The following IPO11 variants were observed in gnomAD, a reference collection of about 807,000 sequenced individuals.
IPO11 encodes the protein importin-11.
In IPO11, 66 loss-of-function variants were observed where a neutral mutation model predicts 143.2. The observed-to-expected ratio is 0.46, with a 90% CI of 0.38 to 0.57. IPO11 has a LOEUF of 0.57. IPO11 is among the 20% of genes least tolerant of loss of function. The pLI is 0.00. For synonymous variants in IPO11, 385 were observed against 377.8 expected (o/e 1.02, Z -0.22); for missense variants, 1,026 against 1,141.0 (o/e 0.90, Z 1.45).
chr5:62,510,359 G>A (rs796760854), intron 19 of IPO11, among the ~76,000 whole-genome samples: 5 of 152,134 alleles, frequency 3.3e-5, no homozygotes, highest in African/African-American at 1.2e-4. Context: ...TCATTAGTAA[G>A]TTTCATCACT....
At chr5:62,550,663 A>C (rs1241862184) in intron 25 of IPO11, among the ~76,000 whole-genome samples, 1 of 152,176 alleles carries the variant, frequency 6.6e-6, no homozygotes, top group East Asian at 1.9e-4. Context: ...GTGTCTTTCA[A>C]ACATATGCAT....
At chr5:62,479,720 G>A (rs1371452089) in intron 9 of IPO11, among the ~76,000 whole-genome samples, 1 of 152,136 alleles carries the variant, frequency 6.6e-6, no homozygotes, top group Non-Finnish European at 1.5e-5. Context: ...GTGTCTGCTG[G>A]CTGCATAAAT....
chr5:62,573,435 C>A (rs1744211940), intron 27 of IPO11, among the ~76,000 whole-genome samples: 1 of 152,128 alleles, frequency 6.6e-6, no homozygotes, highest in Non-Finnish European at 1.5e-5. Flanking sequence ...TGACTGTATA[C>A]TCCTTTTTAA....
At chr5:62,491,524 G>T (rs1156494307) in intron 15 of IPO11, among the ~76,000 whole-genome samples, 2 of 152,112 alleles carry the variant, frequency 1.3e-5, no homozygotes, top group Non-Finnish European at 2.9e-5. Context: ...TTGAGCACTT[G>T]AAATGTGCTT....
At chr5:62,511,249 C>T (rs1178119132) in intron 19 of IPO11, among the ~76,000 whole-genome samples, 1 of 152,016 alleles carries the variant, frequency 6.6e-6, no homozygotes, top group African/African-American at 2.4e-5. Context: ...CTAAAACTAC[C>T]TCATTTTCCT....
chr5:62,503,309 T>TAATATATTAATAGTATCTAC (rs1561338146), intron 16 of IPO11, among the ~76,000 whole-genome samples: 20 of 136,936 alleles, frequency 1.5e-4, no homozygotes, highest in Non-Finnish European at 1.8e-4. Flanking sequence ...TCAGTATCTA[T>TAATATATTAATAGTATCTAC]TAATATATTA....
At chr5:62,549,023 T>G (rs192778941) in intron 24 of IPO11, among the ~76,000 whole-genome samples, 3 of 152,302 alleles carry the variant, frequency 2.0e-5, no homozygotes, top group Admixed American at 1.3e-4. Flanking sequence ...CCTCTGTGAC[T>G]CTCTCGGTCT....
chr5:62,482,815 A>G (rs1196708468), intron 9 of IPO11, among the ~76,000 whole-genome samples: 1 of 152,164 alleles, frequency 6.6e-6, no homozygotes, highest in Admixed American at 6.5e-5. Flanking sequence ...AGCGTTTTGT[A>G]TCATATTCAC....
chr5:62,414,346 A>G (rs1202453881), intron 1 of IPO11, among the ~76,000 whole-genome samples: 5 of 152,214 alleles, frequency 3.3e-5, no homozygotes, highest in African/African-American at 4.8e-5. Context: ...AATTTTGGGT[A>G]AGGTAATGTT....
intron 21 of IPO11, among the ~76,000 whole-genome samples, chr5:62,528,116 A>T (rs1052359344): frequency 1.3e-5 from 2 of 152,224 alleles, no homozygotes; most frequent in Non-Finnish European, 2.9e-5. Flanking sequence ...CCAGGGCAGA[A>T]TTCTAATGAA....
At chr5:62,626,724 G>A (rs1232257725) in intron 29 of IPO11, among the ~76,000 whole-genome samples, 1 of 151,658 alleles carries the variant, frequency 6.6e-6, no homozygotes, top group Non-Finnish European at 1.5e-5. Context: ...GCAATCCAGG[G>A]TAGGGCAAAC....
intron 18 of IPO11, 39 bp from the exon 19 acceptor site, chr5:62,506,202 A>G: frequency 1.7e-6 from 2 of 1,153,780 alleles, no homozygotes; most frequent in Non-Finnish European, 2.6e-6. Context: ...TTTCATTTCT[A>G]TTATAAACCT....
intron 27 of IPO11, among the ~76,000 whole-genome samples, chr5:62,582,999 A>G (rs1744626698): frequency 6.6e-6 from 1 of 152,176 alleles, no homozygotes; most frequent in African/African-American, 2.4e-5. Flanking sequence ...AGGGTTTTCA[A>G]ACAATGGTTT....
intron 19 of IPO11, 99 bp from the exon 20 acceptor site, chr5:62,515,289 G>A: frequency 1.5e-6 from 1 of 646,822 alleles, no homozygotes; most frequent in Non-Finnish European, 2.7e-6. Flanking sequence ...TATTAAATAT[G>A]TGCTGTCTGG....
At chr5:62,440,888 G>A (rs1352370328) in intron 2 of IPO11, among the ~76,000 whole-genome samples, 1 of 151,720 alleles carries the variant, frequency 6.6e-6, no homozygotes, top group Non-Finnish European at 1.5e-5. Context: ...GCTTGAACCC[G>A]GGAGGTGGAG....
chr5:62,462,861 A>C lies in IPO11; in HGVS notation c.517-4270A>C, dbSNP rs540523070. ...TAATCTTACTTTTAATTGAGGAACT[A>C]GGGGATAGTTACTGTCACCATCCTT... On this transcript the variant is annotated intron_variant, in intron 5 of 29. Coordinates refer to ENST00000325324, the MANE Select transcript of IPO11 (RefSeq NM_016338.5). Among the ~76,000 whole-genome samples, 7 of 150,068 alleles carry C rather than the reference A, an allele frequency of 4.7e-5. No homozygotes were observed. The Admixed American group carries it at 4.7e-4, about 10-fold the overall frequency.
chr5:62,566,534 A>G (rs1321956497), intron 27 of IPO11, among the ~76,000 whole-genome samples: 1 of 151,984 alleles, frequency 6.6e-6, no homozygotes, highest in Non-Finnish European at 1.5e-5. Context: ...GGAGTTTGAG[A>G]CCAACCCGGG....
At position 62,628,181 on chromosome 5, in the gene IPO11, C is replaced by G. The variant is rs115877899; in HGVS notation, c.*863C>G. The G allele has an allele frequency of 6.6e-6, 1 of 152,318 alleles. No individual in the cohort carries two copies. Among genetic ancestry groups the G allele is most frequent in the African/African-American group, 2.4e-5 (1 of 41,356 alleles). The allele number at this position is 152,318 out of a possible 1,614,324, so 9.4% of individuals were successfully genotyped here. On this transcript the variant is annotated 3_prime_UTR_variant, in exon 30 of 30. Transcript: ENST00000325324. Reference sequence around the variant, plus strand: ...TAGTACTTACCCTTCTCAGGTTCCTCAGTGCAGGGGTGCATCAGGGCCTCA... The same window carrying G: ...TAGTACTTACCCTTCTCAGGTTCCTGAGTGCAGGGGTGCATCAGGGCCTCA...
At position 62,596,268 on chromosome 5, in the gene IPO11, C is replaced by CAAAAAAAAAAAAAAAA. The variant is rs71608515; in HGVS notation, c.2678+4611_2678+4612insAAAAAAAAAAAAAAAA. Among the ~76,000 whole-genome samples the CAAAAAAAAAAAAAAAA allele has an allele frequency of 1.5e-3, 139 of 95,636 alleles. 6 individuals are homozygous for CAAAAAAAAAAAAAAAA. The highest frequency in any genetic ancestry group is 5.6e-3 in the African/African-American group (124 of 21,978). The allele number at this position is 95,636 out of a possible 152,430, so 62.7% of individuals were successfully genotyped here. ...TGGGTGACAGACCAAGGCCCTGTCT[C>CAAAAAAAAAAAAAAAA]AAAAAAAAAAAAAAAGAATTTAGCC... On this transcript the variant is annotated intron_variant, in intron 28 of 29. Coordinates refer to ENST00000325324, the MANE Select transcript of IPO11 (RefSeq NM_016338.5).
Sources: gnomAD v4.1 joint callset for allele counts (sites outside exome capture counted in the v4.1 genomes callset) on GRCh38, gnomAD v4.1.1 for gene constraint, MANE v1.5 for transcripts, NCBI Gene and HGNC (gene_info 2026-07-23, HGNC 2026-07-21) for gene names.